Variants in FN1 observed in about 807,000 individuals in gnomAD.
The protein encoded by FN1 is fibronectin.
A neutral mutation model predicts 297.3 loss-of-function variants in FN1; 106 were observed. The ratio of observed to expected loss-of-function variants is 0.36; its 90% CI spans 0.30 to 0.42. The LOEUF (loss-of-function observed/expected upper bound fraction) is 0.42, where lower values mean the gene tolerates loss of function less well. Among genes scored for constraint, FN1 ranks in the 10% least tolerant of loss-of-function variants. FN1 has a pLI of 1.00. For missense variants in FN1, 2,690 were observed against 3,124.9 expected, an observed-to-expected ratio of 0.86 and a Z score of 3.32; for synonymous variants, 1,149 against 1,152.6, an observed-to-expected ratio of 1.00 and a Z score of 0.06.
rs772118664 is a variant in FN1 at position 215,393,135 on chromosome 2, G to A, written c.3865C>T (p.Pro1289Ser). Residue 1289 changes from proline to serine, a missense_variant, in exon 25 of 46, where the codon CCG becomes TCG. Physicochemically the swap from Pro to Ser is moderately conservative, Grantham distance 74. Coordinates refer to ENST00000354785, the MANE Select transcript of FN1 (RefSeq NM_212482.4). ...CCAATAATGGTGGAAGAGTTTAGCGGGGTCCACCTCAGGCCGATGCTTGAA... is the reference window on the plus strand; with the variant it reads ...CCAATAATGGTGGAAGAGTTTAGCGAGGTCCACCTCAGGCCGATGCTTGAA... Reference protein sequence around the residue: ...TDSSIGLRWTPLNSSTIIGYR... With the variant: ...TDSSIGLRWTSLNSSTIIGYR... 6.8e-6 allele frequency: 11 copies of A among 1,613,898 alleles called. No homozygotes were observed. Among genetic ancestry groups the A allele is most frequent in the Non-Finnish European group, 8.5e-6 (10 of 1,179,980 alleles).
At chr2:215,396,107 C>A (rs544952758) in intron 23 of FN1, among the ~76,000 whole-genome samples, 8 of 152,152 alleles carry the variant, frequency 5.3e-5, no homozygotes, top group Non-Finnish European at 1.2e-4. Flanking sequence ...AGCTCTGTGC[C>A]CCGGCAAAGA....
Position 215,425,129 on chromosome 2 carries a change from G to A in FN1, c.1001C>T (p.Thr334Met), listed in dbSNP as rs201261328. ...GCAGCTGACTCCGTTGCCCAGGCAC[G>A]TGCAAAGCATTTGCTTATTTCCTTG... ...KTQGNKQMLCTCLGNGVSCQE... is the reference protein window; with the variant it reads ...KTQGNKQMLCMCLGNGVSCQE... The change falls in exon 7 of 46, where the codon ACG (threonine) becomes ATG (methionine). Residue 334 changes from threonine to methionine, a missense_variant. Thr to Met is a moderately conservative substitution (Grantham distance 81). Transcript: ENST00000354785. 3.4e-5 allele frequency: 55 copies of A among 1,614,028 alleles called. No homozygotes were observed. The highest frequency in any genetic ancestry group is 6.7e-5 in the African/African-American group (5 of 74,912).
Position 215,384,930 on chromosome 2 carries a change from G to C in FN1, c.4659C>G (p.Thr1553=). Residue 1553 remains threonine, a synonymous_variant, in exon 29 of 46, where the codon ACC becomes ACG. Transcript: ENST00000354785. ...RDLEVVAATP[T]SLLISWDAPA... is the part of the protein sequence containing the mutation. ...GAGCATCCCAGCTGATCAGTAGGCT[G>C]GTGGGGGTCGCAGCAACAACTTCCA... 1.9e-6 allele frequency: 3 copies of C among 1,614,006 alleles called. No homozygotes were observed. The highest frequency in any genetic ancestry group is 2.5e-6 in the Non-Finnish European group (3 of 1,179,950).
rs866248993 is a variant in FN1, at chr2:215,388,405, C to T, written c.4253-104G>A. On this transcript the variant is annotated intron_variant, in intron 26 of 45. Transcript: ENST00000354785. Reference sequence around the variant, plus strand: ...CTGATGAAATATCCAAATGTCCAGTCCTATAGCCTACTTACACCTAAGTGA... The same window carrying T: ...CTGATGAAATATCCAAATGTCCAGTTCTATAGCCTACTTACACCTAAGTGA... 6.2e-5 allele frequency: 51 copies of T among 821,876 alleles called. No homozygotes were observed. In the African/African-American group the frequency reaches 8.1e-4, roughly 13 times the overall value. The allele number at this position is 821,876 out of a possible 1,614,324, so 50.9% of individuals were successfully genotyped here. A position where few individuals can be genotyped will look rare whatever the true frequency, so the allele number is the denominator to read the frequency against.
intron 6 of FN1, among the ~76,000 whole-genome samples, chr2:215,426,740 T>C (rs1378158704): frequency 1.3e-5 from 2 of 152,256 alleles, no homozygotes; most frequent in Non-Finnish European, 2.9e-5. Flanking sequence ...CAAACTTTTT[T>C]GAACAATGGA....
intron 20 of FN1, among the ~76,000 whole-genome samples, chr2:215,401,690 A>G (rs1223407420): frequency 6.6e-6 from 1 of 150,572 alleles, no homozygotes; most frequent in East Asian, 1.9e-4. Flanking sequence ...TCCAGTCTCA[A>G]CTCAACTCCA....
At chr2:215,418,192 T>C (rs890506944) in intron 12 of FN1, among the ~76,000 whole-genome samples, 2 of 152,184 alleles carry the variant, frequency 1.3e-5, no homozygotes, top group Non-Finnish European at 2.9e-5. Context: ...ACTGACAGTG[T>C]CTGAGGGTTG....
intron 4 of FN1, 53 bp from the exon 5 acceptor site, chr2:215,430,905 C>T: frequency 6.3e-7 from 1 of 1,594,160 alleles, no homozygotes; most frequent in Non-Finnish European, 8.6e-7. Flanking sequence ...TTGAATTGTG[C>T]AAGCTCCCTG....
At chr2:215,368,911 T>A (rs897137922) in intron 41 of FN1, among the ~76,000 whole-genome samples, 3 of 152,208 alleles carry the variant, frequency 2.0e-5, no homozygotes, top group Admixed American at 1.3e-4. Flanking sequence ...CTAATTTGAC[T>A]TAAAATCCCA....
chr2:215,365,771 A>C, intron 42 of FN1, 141 bp from the exon 43 acceptor site: 19 of 509,524 alleles, frequency 3.7e-5, no homozygotes, highest in Non-Finnish European at 4.0e-5. Context: ...AACCCCTATA[A>C]TGGGCCATTT....
At position 215,370,551 on chromosome 2, in the gene FN1, A is replaced by AAAC. The variant is rs1284139775; in HGVS notation, c.6715-122_6715-120dup. 5 of 480,576 alleles carry AAAC rather than the reference A, an allele frequency of 1.0e-5. 1 individual carries two copies. Among genetic ancestry groups the AAAC allele is most frequent in the Middle Eastern group, 6.0e-4 (1 of 1,660 alleles). 29.8% of individuals were successfully genotyped at this position (480,576 alleles called of 1,614,324 possible). A position where few individuals can be genotyped will look rare whatever the true frequency, so the allele number is the denominator to read the frequency against. On this transcript the variant is annotated intron_variant, in intron 40 of 45. Transcript: ENST00000354785. ...AAAGCAAAGGAAGACAAAAAACAAA[A>AAAC]AACAAAAAAAAAAAAAAGAGGGAGG...
At chr2:215,364,608 CT>C (rs1187161796) in intron 44 of FN1, 20 of 536,748 alleles carry the variant, frequency 3.7e-5, no homozygotes, top group Non-Finnish European at 6.0e-5. Context: ...ACAGGTGTTG[CT>C]ATTAAGAATG....
rs756525791 is a variant in FN1, at chr2:215,404,557, G to A, written c.3085C>T (p.Leu1029=). Residue 1029 remains leucine (L), a synonymous_variant, in exon 20 of 46, where the codon CTG becomes TTG. Transcript: ENST00000354785. ...CCTCTTCGGGTAAGGCCCACGGTCA[G>A]TCGGTATCCTGTTATCTGGGCCCGA... is the stretch of plus-strand genomic sequence containing the variant. ...PPRAQITGYR[L]TVGLTRRGQP... 6.2e-7 allele frequency: 1 copy of A among 1,614,172 alleles called. No homozygotes were observed. The highest frequency in any genetic ancestry group is 1.1e-5 in the South Asian group (1 of 91,084).
At chr2:215,435,474 C>A (rs764919480) in intron 1 of FN1, among the ~76,000 whole-genome samples, 181 bp downstream of exon 1, 45 of 152,188 alleles carry the variant, frequency 3.0e-4, no homozygotes, top group Non-Finnish European at 5.0e-4. Flanking sequence ...GTCTTATCAT[C>A]CCAGGCCCTC....
chr2:215,391,300 C>G (rs2059676767), intron 26 of FN1, among the ~76,000 whole-genome samples: 1 of 152,080 alleles, frequency 6.6e-6, no homozygotes, highest in South Asian at 2.1e-4. Flanking sequence ...TCATTTTTTT[C>G]TCTAAAGATT....
intron 34 of FN1, 65 bp from the exon 35 acceptor site, chr2:215,378,327 A>T: frequency 1.2e-6 from 1 of 838,208 alleles, no homozygotes; most frequent in Non-Finnish European, 2.1e-6. Flanking sequence ...GAGTTTCACT[A>T]CAGCATTAGG....
At chr2:215,398,892 G>A (rs1388353882) in intron 21 of FN1, among the ~76,000 whole-genome samples, 1 of 152,104 alleles carries the variant, frequency 6.6e-6, no homozygotes, top group Non-Finnish European at 1.5e-5. Context: ...TCCCTAAACT[G>A]GCTTTTGTGA....
chr2:215,392,291 A>T (rs2059795484), intron 25 of FN1: 3 of 186,526 alleles, frequency 1.6e-5, no homozygotes. Flanking sequence ...GAACATGTTC[A>T]TGCAAATTGG....
rs1170023913 is a variant in FN1, at chr2:215,383,391, A to C, written c.4987T>G (p.Tyr1663Asp). ...WLPSSSPVTG[Y>D]RVTTTPKNGP... ...TTTTTGGGAGTGGTGGTTACTCTGT[A>C]ACCAGTAACAGGGGAACTTGAAGGC... Residue 1663 changes from tyrosine (Y) to aspartate (D), a missense_variant, in exon 31 of 46, where the codon TAC becomes GAC. By Grantham distance (160) the Tyr-to-Asp change is radical. Transcript: ENST00000354785. 1 of 1,613,972 alleles carries C rather than the reference A, an allele frequency of 6.2e-7. No individual in the cohort carries two copies. Among genetic ancestry groups the C allele is most frequent in the Non-Finnish European group, 8.5e-7 (1 of 1,179,876 alleles).
Sources: allele counts gnomAD v4.1 joint callset (sites outside exome capture counted in the v4.1 genomes callset), GRCh38; gene constraint gnomAD v4.1.1; transcripts MANE v1.5; gene names NCBI Gene and HGNC (gene_info 2026-07-23, HGNC 2026-07-21).